DNM2: variants seen among roughly 807,000 people sequenced by gnomAD.
DNM2 encodes the protein dynamin-2.
Under a neutral mutation model 99.0 loss-of-function variants are expected in DNM2, and 15 were observed. That is an observed-to-expected ratio of 0.15 (90% CI 0.10 to 0.23). The LOEUF (loss-of-function observed/expected upper bound fraction) is 0.23, where lower values mean the gene tolerates loss of function less well. Among genes scored for constraint, DNM2 ranks in the 10% least tolerant of loss-of-function variants. The pLI is 1.00. For missense variants in DNM2, 742 were observed against 1,189.4 expected (o/e 0.62, Z 5.53); for synonymous variants, 525 against 481.2 (o/e 1.09, Z -1.19).
chr19:10,802,473 G>A lies in DNM2; in HGVS notation c.1493+115G>A, dbSNP rs1023368950. The A allele has an allele frequency of 2.5e-6, 3 of 1,206,198 alleles. No individual in the cohort carries two copies. The African/African-American group carries it at 4.5e-5, about 18-fold the overall frequency. The allele number at this position is 1,206,198 out of a possible 1,614,324, so 74.7% of individuals were successfully genotyped here. On this transcript the variant is annotated intron_variant, in intron 12 of 20. Transcript: ENST00000389253. Reference sequence around the variant, plus strand: ...GCAGGTGTCAGACAGTCTCTGTCGGGGGTCCTGGGGTGAAGGCAGAGCCAA... The same window carrying A: ...GCAGGTGTCAGACAGTCTCTGTCGGAGGTCCTGGGGTGAAGGCAGAGCCAA...
intron 15 of DNM2, among the ~76,000 whole-genome samples, chr19:10,814,204 C>A: frequency 6.6e-6 from 1 of 151,858 alleles, no homozygotes; most frequent in East Asian, 1.9e-4. Context: ...GTGGCTCACG[C>A]CATTAATCCC....
intron 16 of DNM2, among the ~76,000 whole-genome samples, chr19:10,821,429 G>A (rs1441237410): frequency 6.6e-6 from 1 of 152,200 alleles, no homozygotes; most frequent in African/African-American, 2.4e-5. Flanking sequence ...CCCGGGCAAA[G>A]TGGAGCAGCT....
chr19:10,764,990 C>T lies in DNM2; in HGVS notation c.235+5179C>T, dbSNP rs1299286743. Among the ~76,000 whole-genome samples the T allele has an allele frequency of 2.7e-5, 4 of 147,810 alleles. No homozygotes were observed. Among genetic ancestry groups the T allele is most frequent in the Admixed American group, 6.8e-5 (1 of 14,670 alleles). On this transcript the variant is annotated intron_variant, in intron 2 of 20. Coordinates refer to ENST00000389253, the MANE Select transcript of DNM2 (RefSeq NM_001005361.3). The surrounding 1 kb of genome is among the most constrained non-coding windows in gnomAD (Gnocchi z 4.1). The stretch of plus-strand genomic sequence containing the variant: ...TTTTTTTTTTTTTGAGATGGAGTCT[C>T]GCTGTCGCCCAGGCTGGAGTGCAGT...
intron 15 of DNM2, among the ~76,000 whole-genome samples, chr19:10,815,225 C>T (rs1287558027): frequency 6.6e-6 from 1 of 152,202 alleles, no homozygotes; most frequent in Non-Finnish European, 1.5e-5. Flanking sequence ...GCCCCATACC[C>T]ATCACCATGT....
chr19:10,719,871 C>T (rs925248182), intron 1 of DNM2, among the ~76,000 whole-genome samples: 3 of 152,200 alleles, frequency 2.0e-5, no homozygotes, highest in Admixed American at 1.3e-4. Flanking sequence ...ACTAGGCTGG[C>T]GTAAGGCCTT....
intron 16 of DNM2, chr19:10,823,173 G>C (rs1446611319): frequency 6.6e-6 from 1 of 152,000 alleles, no homozygotes; most frequent in Non-Finnish European, 1.5e-5. Flanking sequence ...GGGAAGCCGA[G>C]GTGGGCGGAT....
chr19:10,722,194 G>C (rs989240963), intron 1 of DNM2, among the ~76,000 whole-genome samples: 2 of 152,128 alleles, frequency 1.3e-5, no homozygotes, highest in African/African-American at 2.4e-5. Flanking sequence ...GATTTCAGAA[G>C]CACCAGTCAC....
At chr19:10,774,876 C>A (rs753754750) in intron 3 of DNM2, among the ~76,000 whole-genome samples, 18 of 150,962 alleles carry the variant, frequency 1.2e-4, no homozygotes, top group Admixed American at 1.3e-4. Context: ...CTCAGGCGAT[C>A]CTCCCGCCTT....
Position 10,759,719 on chromosome 19 carries a change from C to T in DNM2, c.162-19C>T. On this transcript the variant is annotated intron_variant, in intron 1 of 20. Coordinates refer to ENST00000389253, the MANE Select transcript of DNM2 (RefSeq NM_001005361.3). ...ATCCGGACGCAAGAGTAATTTCTGTCCCTCTCCCCCCCTCACAGGGACTTC... is the reference window on the plus strand; with the variant it reads ...ATCCGGACGCAAGAGTAATTTCTGTTCCTCTCCCCCCCTCACAGGGACTTC... The T allele has an allele frequency of 6.2e-7, 1 of 1,614,078 alleles. No homozygotes were observed. The highest frequency in any genetic ancestry group is 8.5e-7 in the Non-Finnish European group (1 of 1,179,970).
At chr19:10,780,759 C>T (rs1242069106) in intron 5 of DNM2, among the ~76,000 whole-genome samples, 1 of 151,908 alleles carries the variant, frequency 6.6e-6, no homozygotes, top group African/African-American at 2.4e-5. Flanking sequence ...AAGACCCCAT[C>T]TCTCTCTTAA....
At chr19:10,727,075 G>T (rs1478788018) in intron 1 of DNM2, among the ~76,000 whole-genome samples, 1 of 152,180 alleles carries the variant, frequency 6.6e-6, no homozygotes, top group African/African-American at 2.4e-5. Flanking sequence ...AGACCGGAAA[G>T]ACATACTCTG....
At chr19:10,760,744 G>A (rs975217584) in intron 2 of DNM2, among the ~76,000 whole-genome samples, 2 of 148,640 alleles carry the variant, frequency 1.3e-5, no homozygotes, top group African/African-American at 2.5e-5. Context: ...CTGCGGCCTC[G>A]ACCTCCTGGG....
In DNM2 at chr19:10,829,227, G is replaced by A. The variant is rs1446564477; in HGVS notation, c.2250G>A (p.Pro750=). ...STSTVSTPVP[P]PVDDTWLQSA... is the part of the protein sequence containing the mutation. The stretch of plus-strand genomic sequence containing the variant: ...GCACTGTGTCCACGCCTGTACCCCC[G>A]CCTGTCGATGACACCTGGCTCCAGA... The change falls in exon 19 of 21, where the codon CCG becomes CCA. Residue 750 remains proline (P), a synonymous_variant. Coordinates refer to ENST00000389253, the MANE Select transcript of DNM2 (RefSeq NM_001005361.3). 4 of 1,613,930 alleles carry A rather than the reference G, an allele frequency of 2.5e-6. No homozygotes were observed. Among genetic ancestry groups the A allele is most frequent in the African/African-American group, 1.3e-5 (1 of 75,046 alleles).
chr19:10,750,851 A>G (rs2070167353), intron 1 of DNM2, among the ~76,000 whole-genome samples: 1 of 151,438 alleles, frequency 6.6e-6, no homozygotes, highest in South Asian at 2.1e-4. Flanking sequence ...GAGTAAGCTG[A>G]GATTGCGCCA....
chr19:10,828,940 T>C lies in DNM2; in HGVS notation c.2059-96T>C, dbSNP rs549499582. ...ACTCTTTTTCAAAAAAGTCTGGGGG[T>C]GGCCCCGCCCTGTGAGAGATGTTTT... is the stretch of plus-strand genomic sequence containing the variant. On this transcript the variant is annotated intron_variant, in intron 18 of 20. Coordinates refer to ENST00000389253, the MANE Select transcript of DNM2 (RefSeq NM_001005361.3). The C allele has an allele frequency of 4.6e-5, 60 of 1,307,842 alleles. No homozygotes were observed. The African/African-American group carries it at 5.1e-4, about 11-fold the overall frequency. 81.0% of individuals were successfully genotyped at this position (1,307,842 alleles called of 1,614,324 possible). A position where few individuals can be genotyped will look rare whatever the true frequency, so the allele number is the denominator to read the frequency against.
intron 1 of DNM2, among the ~76,000 whole-genome samples, chr19:10,735,540 G>A (rs2069491912): frequency 6.6e-6 from 1 of 152,078 alleles, no homozygotes; most frequent in Non-Finnish European, 1.5e-5. Flanking sequence ...TTTTTGGAGA[G>A]TCTCGCTCTG....
In DNM2 at chr19:10,829,103, TGGA is replaced by T; in HGVS notation, c.2131_2133del (p.Glu711del). 6.2e-7 allele frequency: 1 copy of T among 1,614,008 alleles called. No homozygotes were observed. Among genetic ancestry groups the T allele is most frequent in the Non-Finnish European group, 8.5e-7 (1 of 1,180,002 alleles). The stretch of plus-strand genomic sequence containing the variant: ...TCCTCGGCAGACCAGAGCAGCCTCA[TGGA>T]GGAGTCGGCTGACCAGGCACAGCGG... On this transcript the variant is annotated inframe_deletion, in exon 19 of 21. Transcript: ENST00000389253.
At chr19:10,814,820 C>T (rs74257930) in intron 15 of DNM2, among the ~76,000 whole-genome samples, 8,661 of 152,246 alleles carry the variant, frequency 0.057, 578 homozygotes, top group East Asian at 0.36. Context: ...TTCTATGGCC[C>T]TGATCAACCC....
chr19:10,773,990 G>C (rs2071069035), intron 3 of DNM2, among the ~76,000 whole-genome samples: 1 of 152,206 alleles, frequency 6.6e-6, no homozygotes, highest in South Asian at 2.1e-4. Context: ...GGCACAGATT[G>C]CTACCATGAT....
Sources: allele counts gnomAD v4.1 joint callset (sites outside exome capture counted in the v4.1 genomes callset), GRCh38; gene constraint gnomAD v4.1.1; non-coding constraint Gnocchi (gnomAD v3.1); transcripts MANE v1.5; gene names NCBI Gene and HGNC (gene_info 2026-07-23, HGNC 2026-07-21).